Variants in PLD5 observed in about 807,000 individuals in gnomAD.
PLD5 encodes the protein phospholipase D family member 5.
PLD5 carries 36 observed loss-of-function variants against 61.1 expected under a neutral mutation model. The observed-to-expected ratio is 0.59, with a 90% CI of 0.45 to 0.78. The LOEUF (loss-of-function observed/expected upper bound fraction) is 0.78, where lower values mean the gene tolerates loss of function less well. Among genes scored for constraint, PLD5 ranks in the 30% least tolerant of loss-of-function variants. PLD5 has a pLI of 0.00. For missense variants in PLD5, 515 were observed against 644.4 expected, an observed-to-expected ratio of 0.80 and a Z score of 2.17; for synonymous variants, 243 against 242.8, an observed-to-expected ratio of 1.00 and a Z score of -0.01.
At chr1:242,297,129 A>G (rs902277308) in intron 2 of PLD5, among the ~76,000 whole-genome samples, 8 of 152,020 alleles carry the variant, frequency 5.3e-5, no homozygotes, top group African/African-American at 1.7e-4. Context: ...GCAGATCATG[A>G]GGTCAAGAGA....
At chr1:242,359,413 G>T (rs1020714399) in intron 1 of PLD5, among the ~76,000 whole-genome samples, 1 of 152,116 alleles carries the variant, frequency 6.6e-6, no homozygotes, top group Non-Finnish European at 1.5e-5. Flanking sequence ...AGCTTTCAAT[G>T]GGGAATTTTA....
intron 4 of PLD5, among the ~76,000 whole-genome samples, chr1:242,262,269 T>C (rs955274525): frequency 1.2e-4 from 18 of 152,130 alleles, no homozygotes; most frequent in Non-Finnish European, 2.6e-4. Context: ...TAATCTATGG[T>C]AGAGGTCGAA....
chr1:242,209,480 C>T (rs2148979237), intron 5 of PLD5: 1 of 152,350 alleles, frequency 6.6e-6, no homozygotes, highest in East Asian at 1.9e-4. Flanking sequence ...TGTTTCCATG[C>T]CACATTTTGG....
intron 1 of PLD5, among the ~76,000 whole-genome samples, chr1:242,513,228 G>A (rs1445231646): frequency 2.6e-5 from 4 of 152,138 alleles, no homozygotes; most frequent in Non-Finnish European, 5.9e-5. Flanking sequence ...TCATCTGGCA[G>A]GTAGCATATG....
intron 1 of PLD5, among the ~76,000 whole-genome samples, chr1:242,503,083 C>G (rs907437635): frequency 6.6e-6 from 1 of 152,024 alleles, no homozygotes; most frequent in African/African-American, 2.4e-5. Flanking sequence ...AAACAGAGTC[C>G]TGCGGAGGTC....
intron 5 of PLD5, among the ~76,000 whole-genome samples, chr1:242,146,974 A>G (rs2148806668): frequency 6.6e-6 from 1 of 152,362 alleles, no homozygotes; most frequent in South Asian, 2.1e-4. Context: ...ATCCATTACC[A>G]TTAGAAAACC....
chr1:242,270,334 A>C (rs1297399258), intron 3 of PLD5, among the ~76,000 whole-genome samples: 4 of 151,620 alleles, frequency 2.6e-5, no homozygotes. Flanking sequence ...TAGCTGGAAG[A>C]CCACTTAGAT....
At chr1:242,157,297 A>G (rs573650356) in intron 5 of PLD5, among the ~76,000 whole-genome samples, 1 of 152,246 alleles carries the variant, frequency 6.6e-6, no homozygotes, top group Admixed American at 6.5e-5. Context: ...TTGGGTTAGA[A>G]CATGCTCCTT....
chr1:242,315,054 G>A (rs548102138), intron 2 of PLD5, among the ~76,000 whole-genome samples: 51 of 152,256 alleles, frequency 3.3e-4, no homozygotes, highest in African/African-American at 8.2e-4. Flanking sequence ...GAGGATTTCC[G>A]TATTCTAACA....
intron 2 of PLD5, among the ~76,000 whole-genome samples, chr1:242,295,425 G>C (rs905171590): frequency 3.1e-4 from 47 of 152,284 alleles, no homozygotes; most frequent in African/African-American, 1.1e-3. Flanking sequence ...ATTTCACCTA[G>C]GATAATGGCC....
At chr1:242,466,410 C>A (rs761176447) in intron 1 of PLD5, among the ~76,000 whole-genome samples, 1 of 151,968 alleles carries the variant, frequency 6.6e-6, no homozygotes, top group South Asian at 2.1e-4. Flanking sequence ...CAATTAGGGA[C>A]AGGTTCAAAA....
intron 8 of PLD5, 84 bp downstream of exon 8, chr1:242,107,587 C>T (rs1661164037): frequency 7.7e-7 from 1 of 1,293,848 alleles, no homozygotes; most frequent in South Asian, 1.7e-5. Flanking sequence ...TGGAACTTTA[C>T]ACATAGGCGT....
chr1:242,173,060 C>T (rs1574449368), intron 5 of PLD5, among the ~76,000 whole-genome samples: 1 of 152,080 alleles, frequency 6.6e-6, no homozygotes, highest in Non-Finnish European at 1.5e-5. Context: ...CCAGGGCAAT[C>T]AGGCAGGAGA....
intron 5 of PLD5, among the ~76,000 whole-genome samples, chr1:242,152,727 G>A (rs1665028659): frequency 1.3e-5 from 2 of 152,140 alleles, no homozygotes; most frequent in South Asian, 4.1e-4. Flanking sequence ...TGGTGTATAT[G>A]TGTCACATTT....
At chr1:242,397,262 C>T (rs990156096) in intron 1 of PLD5, among the ~76,000 whole-genome samples, 1 of 152,062 alleles carries the variant, frequency 6.6e-6, no homozygotes, top group South Asian at 2.1e-4. Context: ...CTTTACATGA[C>T]TCTTCCTCCC....
At chr1:242,370,553 A>T (rs1177797560) in intron 1 of PLD5, among the ~76,000 whole-genome samples, 1 of 152,186 alleles carries the variant, frequency 6.6e-6, no homozygotes, top group African/African-American at 2.4e-5. Context: ...TTCACAGAAG[A>T]GTTCCACTTG....
chr1:242,358,355 A>G (rs1660873131), intron 1 of PLD5, among the ~76,000 whole-genome samples: 1 of 151,688 alleles, frequency 6.6e-6, no homozygotes, highest in African/African-American at 2.4e-5. Context: ...TTTCAGAGAA[A>G]GCCACCTTTT....
chr1:242,116,483 T>A (rs2148712231), intron 6 of PLD5, among the ~76,000 whole-genome samples: 2 of 152,302 alleles, frequency 1.3e-5, no homozygotes, highest in East Asian at 3.9e-4. Context: ...TATTATGTGA[T>A]GCTGAGGTTT....
chr1:242,326,082 G>A (rs1231395506), intron 2 of PLD5, among the ~76,000 whole-genome samples: 2 of 151,902 alleles, frequency 1.3e-5, no homozygotes, highest in East Asian at 3.9e-4. Flanking sequence ...TCATTATGTT[G>A]TCCAGGCTGG....
Sources: allele counts gnomAD v4.1 joint callset (sites outside exome capture counted in the v4.1 genomes callset), GRCh38; gene constraint gnomAD v4.1.1; transcripts MANE v1.5; gene names NCBI Gene and HGNC (gene_info 2026-07-23, HGNC 2026-07-21).